FBN1: variants seen among roughly 807,000 people sequenced by gnomAD.
FBN1 encodes fibrillin-1.
A neutral mutation model predicts 365.1 loss-of-function variants in FBN1; 29 were observed. The ratio of observed to expected loss-of-function variants is 0.08; its 90% CI spans 0.06 to 0.11. The LOEUF (loss-of-function observed/expected upper bound fraction) is 0.11, where lower values mean the gene tolerates loss of function less well. FBN1 is among the 10% of genes least tolerant of loss of function. The pLI is 1.00. For missense variants in FBN1, 2,476 were observed against 3,703.2 expected (o/e 0.67, Z 8.60); for synonymous variants, 1,210 against 1,270.5 (o/e 0.95, Z 1.01).
intron 6 of FBN1, among the ~76,000 whole-genome samples, chr15:48,546,499 T>C (rs2044094597): frequency 6.6e-6 from 1 of 152,112 alleles, no homozygotes; most frequent in Non-Finnish European, 1.5e-5. Context: ...GCCTGGCTTC[T>C]CTAGGATTAA....
chr15:48,424,498 T>C (rs1256199123), intron 60 of FBN1, among the ~76,000 whole-genome samples: 1 of 152,206 alleles, frequency 6.6e-6, no homozygotes, highest in Non-Finnish European at 1.5e-5. Context: ...TCATTTGATA[T>C]TTAGTTATAT....
chr15:48,603,769 G>T (rs2044585103), intron 4 of FBN1, among the ~76,000 whole-genome samples: 1 of 152,144 alleles, frequency 6.6e-6, no homozygotes, highest in East Asian at 1.9e-4. Flanking sequence ...ACTAGAAATT[G>T]AAAACACTAG....
At chr15:48,609,641 T>C (rs1335984055) in intron 4 of FBN1, among the ~76,000 whole-genome samples, 2 of 152,218 alleles carry the variant, frequency 1.3e-5, no homozygotes, top group Non-Finnish European at 2.9e-5. Context: ...CCATCTGTTG[T>C]TGGTTAAAAG....
rs762214851 is a variant in FBN1 at position 48,445,395 on chromosome 15, T to C, written c.5898A>G (p.Pro1966=). Residue 1966 remains proline, a synonymous_variant, in exon 48 of 66, where the codon CCA becomes CCG. Coordinates refer to ENST00000316623, the MANE Select transcript of FBN1 (RefSeq NM_000138.5). The part of the protein sequence containing the change: ...CQCNEGYEVA[P]DGRTCVDINE... ...ACTTACCCACACAGGTCCTCCCATCTGGAGCCACCTCATAGCCTTCATTGC... is the reference window on the plus strand; with the variant it reads ...ACTTACCCACACAGGTCCTCCCATCCGGAGCCACCTCATAGCCTTCATTGC... 6.2e-7 allele frequency: 1 copy of C among 1,612,788 alleles called. No individual in the cohort carries two copies. Among genetic ancestry groups the C allele is most frequent in the Non-Finnish European group, 8.5e-7 (1 of 1,179,160 alleles).
chr15:48,411,234 T>C lies in FBN1; in HGVS notation c.8372A>G (p.Asn2791Ser). The C allele has an allele frequency of 6.2e-7, 1 of 1,614,176 alleles. No individual in the cohort carries two copies. The highest frequency in any genetic ancestry group is 8.5e-7 in the Non-Finnish European group (1 of 1,180,014). The stretch of plus-strand genomic sequence containing the variant: ...ATTTCCAGATTCGATCAAGTATCTG[T>C]TGTGATTCGTCAGAGTTGTAAGAGC... ...LPALTTLTNH[N>S]RYLIESGNED... Residue 2791 changes from asparagine (N) to serine (S), a missense_variant, in exon 66 of 66, where the codon AAC (asparagine) becomes AGC (serine). Transcript: ENST00000316623.
chr15:48,505,036 C>T lies in FBN1; in HGVS notation c.1949G>A (p.Arg650His), dbSNP rs1437690192. The change falls in exon 16 of 66, where the codon CGT (arginine) becomes CAT (histidine). Residue 650 changes from arginine (R) to histidine (H), a missense_variant. Transcript: ENST00000316623. ...FPGLAVGLDGRVCVDTHMRST... is the reference protein window; with the variant it reads ...FPGLAVGLDGHVCVDTHMRST... ...TGATGTTTTCTTACCAACACACACA[C>T]GGCCATCCAGACCCACAGCCAGTCC... 2.5e-6 allele frequency: 4 copies of T among 1,614,142 alleles called. No homozygotes were observed. Among genetic ancestry groups the T allele is most frequent in the South Asian group, 2.2e-5 (2 of 91,084 alleles).
rs771762317 is a variant in FBN1 at position 48,617,561 on chromosome 15, A to AT, written c.165-4470dup. On this transcript the variant is annotated intron_variant, in intron 2 of 65. Coordinates refer to ENST00000316623, the MANE Select transcript of FBN1 (RefSeq NM_000138.5). ...ATTCCACTTCACCACTGTATGTTACATTTTTTTAAAATAGCTAAGTCTTTA... is the reference window on the plus strand; with the variant it reads ...ATTCCACTTCACCACTGTATGTTACATTTTTTTTAAAATAGCTAAGTCTTTA... 1.5e-3 allele frequency among the ~76,000 whole-genome samples: 227 copies of AT among 152,276 alleles called. 2 individuals are homozygous for AT. Among genetic ancestry groups the AT allele is most frequent in the Non-Finnish European group, 2.7e-3 (181 of 68,024 alleles).
intron 32 of FBN1, among the ~76,000 whole-genome samples, chr15:48,476,073 A>AT (rs1417613239): frequency 6.6e-6 from 1 of 152,246 alleles, no homozygotes; most frequent in East Asian, 1.9e-4. Context: ...AACCAGCTAA[A>AT]TAATTGAGCA....
intron 45 of FBN1, among the ~76,000 whole-genome samples, chr15:48,451,704 T>A (rs1012700524): frequency 6.6e-6 from 1 of 152,026 alleles, no homozygotes; most frequent in African/African-American, 2.4e-5. Context: ...TCCTGACTAA[T>A]ATACAATGAT....
intron 56 of FBN1, 115 bp from the exon 57 acceptor site, chr15:48,428,586 T>C: frequency 8.9e-7 from 1 of 1,127,076 alleles, no homozygotes. Context: ...CTCCCTTTGT[T>C]CCTTTCTCCT....
At chr15:48,422,131 C>T (rs2042948724) in intron 60 of FBN1, 63 bp from the exon 61 acceptor site, 4 of 1,098,984 alleles carry the variant, frequency 3.6e-6, no homozygotes, top group African/African-American at 3.1e-5. Context: ...GGGAAGCTGA[C>T]CCTATGAAGC....
At chr15:48,484,854 G>A (rs1214449989) in intron 30 of FBN1, among the ~76,000 whole-genome samples, 1 of 152,196 alleles carries the variant, frequency 6.6e-6, no homozygotes, top group African/African-American at 2.4e-5. Flanking sequence ...CTCGCAGCCA[G>A]GGTGATACAA....
intron 53 of FBN1, among the ~76,000 whole-genome samples, chr15:48,435,342 T>C (rs1159791958): frequency 6.6e-6 from 1 of 151,378 alleles, no homozygotes; most frequent in Non-Finnish European, 1.5e-5. Context: ...AAAAGGCCCC[T>C]ATCACTCGTC....
intron 50 of FBN1, among the ~76,000 whole-genome samples, chr15:48,439,918 T>C (rs1006198759): frequency 6.6e-6 from 1 of 152,206 alleles, no homozygotes; most frequent in African/African-American, 2.4e-5. Flanking sequence ...GGCATTCGCT[T>C]TTTAAAAAAC....
rs2042843864 is a variant in FBN1 at position 48,409,519 on chromosome 15, C to A, written c.*1471G>T. ...TTTCATATCGACGGATTGAGCCTAA[C>A]AGCTAAATACTCAATATTGCACTTA... is the stretch of plus-strand genomic sequence containing the variant. On this transcript the variant is annotated 3_prime_UTR_variant, in exon 66 of 66. Transcript: ENST00000316623. 6.6e-6 allele frequency: 1 copy of A among 152,288 alleles called. No homozygotes were observed. Among genetic ancestry groups the A allele is most frequent in the African/African-American group, 2.4e-5 (1 of 41,562 alleles). The allele number at this position is 152,288 out of a possible 1,614,324, so 9.4% of individuals were successfully genotyped here.
At chr15:48,449,222 G>C (rs768678927) in intron 45 of FBN1, among the ~76,000 whole-genome samples, 4 of 152,170 alleles carry the variant, frequency 2.6e-5, no homozygotes, top group Non-Finnish European at 4.4e-5. Flanking sequence ...ACAGACTGTG[G>C]AATTAATTGA....
At chr15:48,503,316 A>T (rs1038628256) in intron 17 of FBN1, among the ~76,000 whole-genome samples, 27 of 88,922 alleles carry the variant, frequency 3.0e-4, no homozygotes, top group Admixed American at 1.9e-3. Flanking sequence ...AAAAAAAAAG[A>T]AGAAGAAGAA....
At chr15:48,618,658 C>A (rs898545122) in intron 2 of FBN1, among the ~76,000 whole-genome samples, 1 of 152,192 alleles carries the variant, frequency 6.6e-6, no homozygotes, top group Non-Finnish European at 1.5e-5. Context: ...AGACCAGTAA[C>A]GGTCCATGTC....
chr15:48,630,415 T>C (rs1194797482), intron 2 of FBN1, among the ~76,000 whole-genome samples: 1 of 152,174 alleles, frequency 6.6e-6, no homozygotes, highest in East Asian at 1.9e-4. Context: ...AAACAACCTA[T>C]TTTCAAGGAA....
Sources: allele counts gnomAD v4.1 joint callset (sites outside exome capture counted in the v4.1 genomes callset), GRCh38; gene constraint gnomAD v4.1.1; transcripts MANE v1.5; gene names NCBI Gene and HGNC (gene_info 2026-07-23, HGNC 2026-07-21).